BAIAP2L2: variants seen among roughly 807,000 people sequenced by gnomAD.
BAIAP2L2 encodes the protein BAR/IMD domain-containing adapter protein 2-like 2.
Under a neutral mutation model 60.4 loss-of-function variants are expected in BAIAP2L2, and 65 were observed. That is an observed-to-expected ratio of 1.08 (90% CI 0.88 to 1.32). The LOEUF is 1.32. BAIAP2L2 is among the 40% of genes most tolerant of loss of function. The pLI, the probability that BAIAP2L2 is intolerant of heterozygous loss-of-function variation, is 0.00. For synonymous variants in BAIAP2L2, 344 were observed against 301.7 expected, an observed-to-expected ratio of 1.14 and a Z score of -1.45; for missense variants, 836 against 741.2, an observed-to-expected ratio of 1.13 and a Z score of -1.48.
At chr22:38,108,212 G>A (rs1478064180) in intron 3 of BAIAP2L2, 43 bp downstream of exon 3, 2 of 1,568,778 alleles carry the variant, frequency 1.3e-6, no homozygotes, top group Non-Finnish European at 8.7e-7. Context: ...GGGTGCAAAA[G>A]GAGGGCCCAA....
Position 38,098,494 on chromosome 22 carries a change from G to A in BAIAP2L2, c.277-12C>T, listed in dbSNP as rs755458399. The A allele has an allele frequency of 1.4e-5, 23 of 1,611,804 alleles. No homozygotes were observed. Among genetic ancestry groups the A allele is most frequent in the Non-Finnish European group, 1.7e-5 (20 of 1,178,436 alleles). ...TGGAATGTCTGCACCTGAGCGGAGT[G>A]CAGGGTGAGGGTGATCAAGGCCCCC... On this transcript the variant is annotated splice_polypyrimidine_tract_variant and intron_variant, in intron 4 of 13. Transcript: ENST00000381669.
chr22:38,095,602 C>T (rs554214855), intron 7 of BAIAP2L2, among the ~76,000 whole-genome samples: 2 of 152,210 alleles, frequency 1.3e-5, no homozygotes, highest in African/African-American at 4.8e-5. Context: ...TGACCTCAAG[C>T]GATCCACCCA....
chr22:38,087,012 A>C (rs1312463984), intron 11 of BAIAP2L2, 112 bp downstream of exon 11: 11 of 1,294,554 alleles, frequency 8.5e-6, no homozygotes, highest in Non-Finnish European at 1.1e-5. Flanking sequence ...AAAAAAACAA[A>C]ACAAAACAAA....
chr22:38,087,272 G>A lies in BAIAP2L2; in HGVS notation c.1119-8C>T, dbSNP rs758099294. 1.7e-5 allele frequency: 27 copies of A among 1,598,980 alleles called. No individual in the cohort carries two copies. Among genetic ancestry groups the A allele is most frequent in the Non-Finnish European group, 2.2e-5 (26 of 1,174,018 alleles). ...TCGGGGAACCAACCGCTCCTGTGGG[G>A]TAGAGGCAGAGGACAATGACCAAAA... On this transcript the variant is annotated splice_polypyrimidine_tract_variant and splice_region_variant and intron_variant, in intron 10 of 13. Transcript: ENST00000381669.
intron 7 of BAIAP2L2, chr22:38,090,217 TCTC>T (rs2086264231): frequency 6.7e-6 from 1 of 149,044 alleles, no homozygotes; most frequent in Admixed American, 6.8e-5. Context: ...TTCATGCCAT[TCTC>T]CTTCCTCAGC....
intron 7 of BAIAP2L2, among the ~76,000 whole-genome samples, chr22:38,095,657 G>A (rs1176443961): frequency 1.3e-5 from 2 of 152,094 alleles, no homozygotes; most frequent in African/African-American, 2.4e-5. Flanking sequence ...GAGCCACCGC[G>A]CCCAGCCTAA....
At chr22:38,087,922 GCACA>G (rs1339280343) in intron 10 of BAIAP2L2, among the ~76,000 whole-genome samples, 1 of 129,296 alleles carries the variant, frequency 7.7e-6, no homozygotes, top group Non-Finnish European at 1.6e-5. Flanking sequence ...CCATCCACTT[GCACA>G]CACAGACCTC....
At chr22:38,109,088 G>C in intron 2 of BAIAP2L2, 45 bp downstream of exon 2, 1 of 1,520,024 alleles carries the variant, frequency 6.6e-7, no homozygotes, top group Non-Finnish European at 9.1e-7. Context: ...GGTGGGAACA[G>C]CAGAGGCCCA....
intron 7 of BAIAP2L2, among the ~76,000 whole-genome samples, chr22:38,094,256 G>GCT (rs2086375754): frequency 6.6e-6 from 1 of 152,240 alleles, no homozygotes; most frequent in South Asian, 2.1e-4. Flanking sequence ...TGCAATCTTG[G>GCT]CTCACTGCAA....
At chr22:38,108,389 C>T (rs2086713537) in intron 2 of BAIAP2L2, 48 bp from the exon 3 acceptor site, 3 of 1,458,478 alleles carry the variant, frequency 2.1e-6, no homozygotes, top group Non-Finnish European at 2.8e-6. Context: ...CTCTGCCCCA[C>T]CCTTCTGGAG....
intron 4 of BAIAP2L2, among the ~76,000 whole-genome samples, chr22:38,106,413 G>A (rs959934657): frequency 2.0e-5 from 3 of 151,948 alleles, no homozygotes; most frequent in East Asian, 1.9e-4. Context: ...CCAGCCGCTC[G>A]GGAGGCTGAG....
chr22:38,096,673 ATAAT>A (rs1319691389), intron 7 of BAIAP2L2, among the ~76,000 whole-genome samples: 1 of 152,204 alleles, frequency 6.6e-6, no homozygotes, highest in Non-Finnish European at 1.5e-5. Context: ...AAATAAATAA[ATAAT>A]ATGATAAAAT....
At chr22:38,098,590 T>C (rs1466489208) in intron 4 of BAIAP2L2, 108 bp from the exon 5 acceptor site, 3 of 792,674 alleles carry the variant, frequency 3.8e-6, no homozygotes, top group Non-Finnish European at 6.0e-6. Flanking sequence ...GCTCCTAATA[T>C]ACCAGGCACC....
At chr22:38,109,770 T>C (rs1178520720) in intron 1 of BAIAP2L2, among the ~76,000 whole-genome samples, 2 of 151,984 alleles carry the variant, frequency 1.3e-5, no homozygotes, top group Non-Finnish European at 2.9e-5. Flanking sequence ...GACTTGGGCC[T>C]GGACTTGGAC....
Position 38,086,398 on chromosome 22 carries a change from C to G in BAIAP2L2, c.1311G>C (p.Pro437=). The G allele has an allele frequency of 6.5e-7, 1 of 1,533,188 alleles. No individual in the cohort carries two copies. Among genetic ancestry groups the G allele is most frequent in the Non-Finnish European group, 8.8e-7 (1 of 1,134,396 alleles). 95.0% of individuals were successfully genotyped at this position (1,533,188 alleles called of 1,614,324 possible). The part of the protein sequence containing the change: ...SHSLDDLLDR[P]GNSIAPSEYW... ...ACTCCGAGGGTGCTATGGAGTTGCC[C>G]GGCCGGTCCAGGAGGTCATCGAGGC... is the stretch of plus-strand genomic sequence containing the variant. The change falls in exon 12 of 14, where the codon CCG becomes CCC. Residue 437 remains proline (P), a synonymous_variant. Coordinates refer to ENST00000381669, the MANE Select transcript of BAIAP2L2 (RefSeq NM_025045.6).
At position 38,096,434 on chromosome 22, in the gene BAIAP2L2, C is replaced by T. The variant is rs184935529; in HGVS notation, c.612+598G>A. 2.3e-3 allele frequency among the ~76,000 whole-genome samples: 351 copies of T among 152,278 alleles called. 1 individual carries two copies. Among genetic ancestry groups the T allele is most frequent in the African/African-American group, 8.1e-3 (336 of 41,562 alleles). On this transcript the variant is annotated intron_variant, in intron 7 of 13. Coordinates refer to ENST00000381669, the MANE Select transcript of BAIAP2L2 (RefSeq NM_025045.6). ...CTTTGGGAGGCCGAAGCAGGCAGATCGCTTGAGGTCAGGAGTTTGAGATCA... is the reference window on the plus strand; with the variant it reads ...CTTTGGGAGGCCGAAGCAGGCAGATTGCTTGAGGTCAGGAGTTTGAGATCA...
chr22:38,085,439 G>A, intron 13 of BAIAP2L2, 64 bp from the exon 14 acceptor site: 2 of 1,543,642 alleles, frequency 1.3e-6, no homozygotes, highest in Non-Finnish European at 8.9e-7. Context: ...CATGGCTCAG[G>A]AAGGCAGCTG....
chr22:38,098,224 A>G, intron 5 of BAIAP2L2, 45 bp from the exon 6 acceptor site: 3 of 1,592,780 alleles, frequency 1.9e-6, no homozygotes, highest in Non-Finnish European at 2.6e-6. Context: ...CCCACATCAG[A>G]GAGCTCAAGA....
At chr22:38,087,319 GACCAAAAGAAGACAT>G (rs1198189291) in intron 10 of BAIAP2L2, 55 bp from the exon 11 acceptor site, 2 of 1,560,014 alleles carry the variant, frequency 1.3e-6, no homozygotes, top group East Asian at 4.8e-5. Flanking sequence ...TGGGGACAAT[GACCAAAAGAAGACAT>G]CCTCCCCTCA....
Sources: allele counts gnomAD v4.1 joint callset (sites outside exome capture counted in the v4.1 genomes callset), GRCh38; gene constraint gnomAD v4.1.1; transcripts MANE v1.5; gene names NCBI Gene and HGNC (gene_info 2026-07-23, HGNC 2026-07-21).